Variants in RNF6 observed in about 807,000 individuals in gnomAD.
RNF6 encodes the protein ring finger protein 6, also known as E3 ubiquitin-protein ligase RNF6.
In RNF6, 21 loss-of-function variants were observed where a neutral mutation model predicts 50.1. That is an observed-to-expected ratio of 0.42 (90% confidence interval 0.30 to 0.60). The LOEUF (loss-of-function observed/expected upper bound fraction) is 0.60, where lower values mean the gene tolerates loss of function less well. RNF6 is among the 20% of genes least tolerant of loss of function. The probability of loss-of-function intolerance (pLI) is 0.20; values close to 1 mark genes in which losing one functional copy is unlikely to be tolerated. For synonymous variants in RNF6, 255 were observed against 291.8 expected, an observed-to-expected ratio of 0.87 and a Z score of 1.29; for missense variants, 698 against 838.2, an observed-to-expected ratio of 0.83 and a Z score of 2.07.
At chr13:26,163,955 A>G (rs1024354924) in intron 5 of RNF6, among the ~76,000 whole-genome samples, 1 of 152,196 alleles carries the variant, frequency 6.6e-6, no homozygotes, top group Admixed American at 6.5e-5. Flanking sequence ...AATATTTTTC[A>G]CAGGTTAGGA....
intron 5 of RNF6, among the ~76,000 whole-genome samples, chr13:26,206,521 C>A (rs555421945): frequency 6.6e-6 from 1 of 152,284 alleles, no homozygotes; most frequent in South Asian, 2.1e-4. Context: ...TTTGGCTGCA[C>A]TTGAATAGTA....
intron 5 of RNF6, among the ~76,000 whole-genome samples, chr13:26,138,683 A>G (rs943509777): frequency 6.6e-6 from 1 of 152,210 alleles, no homozygotes; most frequent in African/African-American, 2.4e-5. Flanking sequence ...TGAGATTGTT[A>G]TAAATTAAGA....
At chr13:26,158,242 C>A (rs1041377388) in intron 5 of RNF6, among the ~76,000 whole-genome samples, 1 of 152,058 alleles carries the variant, frequency 6.6e-6, no homozygotes, top group Non-Finnish European at 1.5e-5. Context: ...TCTGCGTCTG[C>A]GTTCAAATTT....
At chr13:26,215,662 T>C (rs1181776184) in intron 4 of RNF6, 70 bp from the exon 5 acceptor site, 3 of 1,308,780 alleles carry the variant, frequency 2.3e-6, no homozygotes, top group Admixed American at 2.8e-5. Flanking sequence ...TGAAAACTTG[T>C]AAGAAAAACA....
chr13:26,190,589 A>G (rs1290674658), intron 5 of RNF6, among the ~76,000 whole-genome samples: 1 of 152,190 alleles, frequency 6.6e-6, no homozygotes, highest in Non-Finnish European at 1.5e-5. Context: ...GTTACGATTC[A>G]CATACATGGG....
chr13:26,148,632 T>TTTTATATA lies in RNF6; in HGVS notation n.769-16182_769-16181insTATATAAA, dbSNP rs1555314571. Among the ~76,000 whole-genome samples the TTTTATATA allele has an allele frequency of 5.1e-4, 24 of 47,068 alleles. 2 individuals carry two copies. Among genetic ancestry groups the TTTTATATA allele is most frequent in the African/African-American group, 2.2e-3 (21 of 9,494 alleles). The allele number at this position is 47,068 out of a possible 152,430, so 30.9% of individuals were successfully genotyped here. ...AATAGAAACAATAGTATAAATCTCTTTATATATATATATATATATATATAT... is the reference window on the plus strand; with the variant it reads ...AATAGAAACAATAGTATAAATCTCTTTTTATATATATATATATATATATATATATATAT... On this transcript the variant is annotated intron_variant and non_coding_transcript_variant, in intron 5 of 5. Transcript: ENST00000468480.
chr13:26,168,626 G>A (rs1305373754), intron 5 of RNF6, among the ~76,000 whole-genome samples: 1 of 152,202 alleles, frequency 6.6e-6, no homozygotes, highest in African/African-American at 2.4e-5. Flanking sequence ...TTCATAGCCA[G>A]CTCATCCTCT....
At chr13:26,152,070 C>T (rs1871638682) in intron 5 of RNF6, among the ~76,000 whole-genome samples, 1 of 152,222 alleles carries the variant, frequency 6.6e-6, no homozygotes, top group Non-Finnish European at 1.5e-5. Context: ...CCTCGGCTAA[C>T]ACCTTGAGCT....
chr13:26,183,180 A>G (rs900391396), intron 5 of RNF6, among the ~76,000 whole-genome samples: 1 of 152,240 alleles, frequency 6.6e-6, no homozygotes, highest in Non-Finnish European at 1.5e-5. Flanking sequence ...TTGCTCTAAA[A>G]GTATTTGAGG....
intron 5 of RNF6, among the ~76,000 whole-genome samples, chr13:26,196,305 A>C (rs1433608895): frequency 6.6e-6 from 1 of 152,222 alleles, no homozygotes. Flanking sequence ...ATGTCAACCC[A>C]GAATGCTATA....
At chr13:26,160,005 T>A (rs1386990287) in intron 5 of RNF6, among the ~76,000 whole-genome samples, 1 of 152,190 alleles carries the variant, frequency 6.6e-6, no homozygotes, top group African/African-American at 2.4e-5. Context: ...CAAAATGATG[T>A]CTATGATATA....
intron 5 of RNF6, chr13:26,144,873 T>C (rs1871147584): frequency 1.3e-5 from 2 of 152,230 alleles, no homozygotes; most frequent in South Asian, 4.1e-4. Flanking sequence ...CAATTGTGTA[T>C]ATACCACTTC....
chr13:26,180,990 A>C (rs1873209052), intron 5 of RNF6, among the ~76,000 whole-genome samples: 1 of 152,182 alleles, frequency 6.6e-6, no homozygotes, highest in Non-Finnish European at 1.5e-5. Context: ...CTGGCTGTCC[A>C]GGTATTGTAA....
rs375246366 is a variant in RNF6, at chr13:26,200,286, T to C, written n.768+15188A>G. On this transcript the variant is annotated intron_variant and non_coding_transcript_variant, in intron 5 of 5. Coordinates refer to the RNF6 transcript ENST00000468480. ...GCTAAAATCAAAAAGCCTGACAATA[T>C]TGATTGCTAGGGAGAATGTAGAACA... is the stretch of plus-strand genomic sequence containing the variant. Among the ~76,000 whole-genome samples the C allele has an allele frequency of 3.0e-4, 46 of 152,264 alleles. No homozygotes were observed. The East Asian group carries it at 3.3e-3, about 11-fold the overall frequency.
chr13:26,206,567 A>G (rs1297182927), intron 5 of RNF6, among the ~76,000 whole-genome samples: 1 of 152,112 alleles, frequency 6.6e-6, no homozygotes, highest in Non-Finnish European at 1.5e-5. Context: ...GGTTATATAC[A>G]TTTTCTTGGA....
At chr13:26,188,232 A>G (rs1457054627) in intron 5 of RNF6, among the ~76,000 whole-genome samples, 1 of 152,190 alleles carries the variant, frequency 6.6e-6, no homozygotes, top group Non-Finnish European at 1.5e-5. Flanking sequence ...ATAAGTGTAA[A>G]CTGGTGGTTC....
intron 5 of RNF6, among the ~76,000 whole-genome samples, chr13:26,184,164 G>A (rs1322425997): frequency 6.7e-6 from 1 of 149,848 alleles, no homozygotes; most frequent in Non-Finnish European, 1.5e-5. Context: ...AGTAGCTGGG[G>A]CTACAGGTGC....
At chr13:26,208,750 T>G (rs9319281), downstream of RNF6, among the ~76,000 whole-genome samples, 32,311 of 152,036 alleles carry the variant, frequency 0.21, 4,308 homozygotes, top group East Asian at 0.35. Context: ...TGATCCCAAT[T>G]GGTTGGAGTA....
intron 5 of RNF6, among the ~76,000 whole-genome samples, chr13:26,205,443 A>G (rs928114891): frequency 7.9e-5 from 12 of 152,186 alleles, no homozygotes; most frequent in Non-Finnish European, 1.6e-4. Flanking sequence ...TTGTTTCTCA[A>G]TAGGACTGGA....
Sources: allele counts gnomAD v4.1 joint callset (sites outside exome capture counted in the v4.1 genomes callset), GRCh38; gene constraint gnomAD v4.1.1; transcripts MANE v1.5; gene names NCBI Gene and HGNC (gene_info 2026-07-23, HGNC 2026-07-21).